C1QTNF7: variants seen among roughly 807,000 people sequenced by gnomAD.
C1QTNF7 encodes complement C1q tumor necrosis factor-related protein 7.
C1QTNF7 carries 15 observed loss-of-function variants against 19.6 expected under a neutral mutation model. The ratio of observed to expected loss-of-function variants is 0.76; its 90% confidence interval spans 0.51 to 1.18. The LOEUF is 1.18. C1QTNF7 is among the 50% of genes most tolerant of loss of function. The pLI, the probability that C1QTNF7 is intolerant of heterozygous loss-of-function variation, is 0.00. For synonymous variants in C1QTNF7, 142 were observed against 137.5 expected (o/e 1.03, Z -0.23); for missense variants, 324 against 359.7 (o/e 0.90, Z 0.80).
intron 1 of C1QTNF7, among the ~76,000 whole-genome samples, chr4:15,393,428 G>A (rs989778118): frequency 6.6e-6 from 1 of 152,118 alleles, no homozygotes; most frequent in Non-Finnish European, 1.5e-5. Flanking sequence ...TTAGAAGGAG[G>A]CCCCCAGGAA....
intron 1 of C1QTNF7, among the ~76,000 whole-genome samples, chr4:15,416,880 T>G (rs1228511559): frequency 6.6e-6 from 1 of 152,120 alleles, no homozygotes; most frequent in Non-Finnish European, 1.5e-5. Flanking sequence ...GAAAGAAAAA[T>G]CAGCTGAAGT....
At position 15,442,235 on chromosome 4, in the gene C1QTNF7, G is replaced by A. The variant is rs779936437; in HGVS notation, c.306G>A (p.Lys102=). 1.2e-6 allele frequency: 2 copies of A among 1,614,086 alleles called. No homozygotes were observed. The highest frequency in any genetic ancestry group is 1.7e-6 in the Non-Finnish European group (2 of 1,180,004). Residue 102 remains lysine, a synonymous_variant, in exon 3 of 3, where the codon AAG becomes AAA. Coordinates refer to ENST00000444304, the MANE Select transcript of C1QTNF7 (RefSeq NM_031911.5). ...AAGGGGACCAAGGAGAGACTGGGAA[G>A]AAAGGACCCATAGGACCAGAGGGAG... ...GEKGDQGETG[K]KGPIGPEGEK...
chr4:15,399,002 C>A (rs554104755), intron 1 of C1QTNF7, among the ~76,000 whole-genome samples: 1 of 152,072 alleles, frequency 6.6e-6, no homozygotes, highest in Non-Finnish European at 1.5e-5. Context: ...GGTGAGCATG[C>A]GCAGTGTGTT....
intron 1 of C1QTNF7, among the ~76,000 whole-genome samples, chr4:15,401,621 A>G (rs1299652181): frequency 6.6e-6 from 1 of 152,256 alleles, no homozygotes; most frequent in Middle Eastern, 3.2e-3. Context: ...ACCACCAGAG[A>G]ACACAGAGAT....
intron 1 of C1QTNF7, among the ~76,000 whole-genome samples, chr4:15,343,441 T>C (rs992379683): frequency 2.0e-5 from 3 of 146,796 alleles, no homozygotes; most frequent in Non-Finnish European, 3.0e-5. Flanking sequence ...AGAATTGACT[T>C]TTTTTTTTTT....
chr4:15,344,621 A>G (rs1476946683), intron 1 of C1QTNF7, among the ~76,000 whole-genome samples: 1 of 152,222 alleles, frequency 6.6e-6, no homozygotes, highest in Admixed American at 6.5e-5. Context: ...TAACACTCTA[A>G]GCACTTTTAT....
chr4:15,380,253 A>G (rs1214534749), intron 1 of C1QTNF7, among the ~76,000 whole-genome samples: 1 of 152,248 alleles, frequency 6.6e-6, no homozygotes, highest in Non-Finnish European at 1.5e-5. Flanking sequence ...TAAGTATCAG[A>G]AAACCCAGTT....
chr4:15,347,570 CA>C (rs1716764265), intron 1 of C1QTNF7, among the ~76,000 whole-genome samples: 1 of 152,112 alleles, frequency 6.6e-6, no homozygotes, highest in Non-Finnish European at 1.5e-5. Flanking sequence ...CAACTTGTGC[CA>C]ACTCCATATG....
In C1QTNF7 at chr4:15,443,759, C is replaced by T. The variant is rs1245348207; in HGVS notation, c.*960C>T. ...AGCCAGCAGGTGATTCTTCTGAATC[C>T]TTTAGTGTGATGGTTTCCCAAGACA... On this transcript the variant is annotated 3_prime_UTR_variant, in exon 3 of 3. Coordinates refer to ENST00000444304, the MANE Select transcript of C1QTNF7 (RefSeq NM_031911.5). 6.6e-6 allele frequency: 1 copy of T among 152,150 alleles called. No individual in the cohort carries two copies. The highest frequency in any genetic ancestry group is 2.4e-5 in the African/African-American group (1 of 41,436). 9.4% of individuals were successfully genotyped at this position (152,150 alleles called of 1,614,324 possible). A position where few individuals can be genotyped will look rare whatever the true frequency, so the allele number is the denominator to read the frequency against.
rs540039179 is a variant in C1QTNF7 at position 15,445,756 on chromosome 4, T to G, written c.*2957T>G. 1 of 152,354 alleles carries G rather than the reference T, an allele frequency of 6.6e-6. No individual in the cohort carries two copies. Among genetic ancestry groups the G allele is most frequent in the East Asian group, 1.9e-4 (1 of 5,192 alleles). 9.4% of individuals were successfully genotyped at this position (152,354 alleles called of 1,614,324 possible). ...TGGTTTAAAAAGTTCCAAGTCTCAT[T>G]GCAATCATTCTTTGTAAAGGCTGAC... On this transcript the variant is annotated 3_prime_UTR_variant, in exon 3 of 3. Transcript: ENST00000444304.
intron 1 of C1QTNF7, among the ~76,000 whole-genome samples, chr4:15,350,106 G>GGAGGGAGGGAGA (rs1716861790): frequency 7.8e-6 from 1 of 128,864 alleles, no homozygotes; most frequent in African/African-American, 3.1e-5. Flanking sequence ...AGAGAGGAAG[G>GGAGGGAGGGAGA]GAGGCAGGCA....
intron 1 of C1QTNF7, among the ~76,000 whole-genome samples, chr4:15,407,971 T>C (rs1426843233): frequency 2.0e-5 from 3 of 152,010 alleles, no homozygotes; most frequent in Non-Finnish European, 2.9e-5. Flanking sequence ...TGTGCGTATA[T>C]ACAGATAAGA....
intron 1 of C1QTNF7, among the ~76,000 whole-genome samples, chr4:15,397,308 C>A (rs1202350004): frequency 1.3e-5 from 2 of 152,174 alleles, no homozygotes; most frequent in Non-Finnish European, 2.9e-5. Flanking sequence ...TGGAGCAGGG[C>A]AACAGCAGTT....
chr4:15,385,559 G>A (rs541369551), intron 1 of C1QTNF7, among the ~76,000 whole-genome samples: 1 of 152,210 alleles, frequency 6.6e-6, no homozygotes, highest in Non-Finnish European at 1.5e-5. Context: ...AGGTCAGAAG[G>A]CAGTGGGAGG....
intron 1 of C1QTNF7, among the ~76,000 whole-genome samples, chr4:15,406,550 T>A (rs554238218): frequency 6.6e-6 from 1 of 152,168 alleles, no homozygotes; most frequent in African/African-American, 2.4e-5. Context: ...GGGCTGAGTA[T>A]GCTGCCAGCG....
At chr4:15,439,924 T>C (rs1712682489) in intron 2 of C1QTNF7, among the ~76,000 whole-genome samples, 1 of 151,698 alleles carries the variant, frequency 6.6e-6, no homozygotes, top group Non-Finnish European at 1.5e-5. Flanking sequence ...CAATGTCTTA[T>C]ATATAATCTA....
At chr4:15,438,668 A>G (rs1275532283) in intron 2 of C1QTNF7, among the ~76,000 whole-genome samples, 1 of 152,222 alleles carries the variant, frequency 6.6e-6, no homozygotes, top group Non-Finnish European at 1.5e-5. Context: ...CCATATAAAA[A>G]TCTTCAGATA....
intron 1 of C1QTNF7, among the ~76,000 whole-genome samples, chr4:15,400,575 G>T (rs1024514466): frequency 6.6e-6 from 1 of 152,200 alleles, no homozygotes; most frequent in Non-Finnish European, 1.5e-5. Context: ...CATTGAAGCT[G>T]GTCAGTGTCC....
intron 1 of C1QTNF7, among the ~76,000 whole-genome samples, chr4:15,347,861 A>T (rs1215197805): frequency 1.3e-5 from 2 of 152,148 alleles, no homozygotes; most frequent in Non-Finnish European, 1.5e-5. Context: ...AAACATTGAG[A>T]TCATTTCTTA....
Sources: gnomAD v4.1 joint callset for allele counts (sites outside exome capture counted in the v4.1 genomes callset) on GRCh38, gnomAD v4.1.1 for gene constraint, MANE v1.5 for transcripts, NCBI Gene and HGNC (gene_info 2026-07-23, HGNC 2026-07-21) for gene names.